The following GBP4 variants were observed in gnomAD, a reference collection of about 807,000 sequenced individuals.
GBP4 encodes guanylate-binding protein 4.
Under a neutral mutation model 62.2 loss-of-function variants are expected in GBP4, and 69 were observed. That is an observed-to-expected ratio of 1.11 (90% CI 0.91 to 1.36). The LOEUF (loss-of-function observed/expected upper bound fraction) is 1.36, where lower values mean the gene tolerates loss of function less well. GBP4 is among the 40% of genes most tolerant of loss of function. The pLI is 0.00. For missense variants in GBP4, 697 were observed against 759.3 expected (o/e 0.92, Z 0.96); for synonymous variants, 278 against 274.6 (o/e 1.01, Z -0.12).
At chr1:89,195,545 T>G (rs650448) in intron 2 of GBP4, 121 bp from the exon 3 acceptor site, 797,657 of 1,176,486 alleles carry the variant, frequency 0.68, 273,246 homozygotes, top group East Asian at 0.8. Context: ...GTTGTTTCCA[T>G]CTCAGGCAGG....
rs549165018 is a variant in GBP4 at position 89,186,219 on chromosome 1, A to G, written c.1707+114T>C. The G allele has an allele frequency of 1.4e-4, 113 of 788,674 alleles. 2 individuals are homozygous for G. Among genetic ancestry groups the G allele is most frequent in the Admixed American group, 1.4e-3 (60 of 42,610 alleles). 48.9% of individuals were successfully genotyped at this position (788,674 alleles called of 1,614,324 possible). A position where few individuals can be genotyped will look rare whatever the true frequency, so the allele number is the denominator to read the frequency against. ...TGTATTTGAGATTTTAGTGAAACATACAACTTTTGTGTTTCCTTCTGGAAT... is the reference window on the plus strand; with the variant it reads ...TGTATTTGAGATTTTAGTGAAACATGCAACTTTTGTGTTTCCTTCTGGAAT... On this transcript the variant is annotated intron_variant, in intron 10 of 10. Coordinates refer to ENST00000355754, the MANE Select transcript of GBP4 (RefSeq NM_052941.5).
chr1:89,192,346 G>A (rs1411772731), intron 5 of GBP4, among the ~76,000 whole-genome samples: 1 of 151,822 alleles, frequency 6.6e-6, no homozygotes, highest in East Asian at 1.9e-4. Context: ...GTAAAATGAA[G>A]GATTTGACAG....
chr1:89,193,444 G>A (rs535621633), intron 3 of GBP4, 32 bp from the exon 4 acceptor site: 3 of 1,524,912 alleles, frequency 2.0e-6, no homozygotes, highest in East Asian at 2.3e-5. Flanking sequence ...AGACTTAGGA[G>A]TATTCTCTTC....
At position 89,183,073 on chromosome 1, in the gene GBP4, C is replaced by T. The variant is rs941211393; in HGVS notation, c.*2181G>A. 2.6e-5 allele frequency: 4 copies of T among 152,032 alleles called. No individual in the cohort carries two copies. Among genetic ancestry groups the T allele is most frequent in the Admixed American group, 2.0e-4 (3 of 15,266 alleles). 9.4% of individuals were successfully genotyped at this position (152,032 alleles called of 1,614,324 possible). A position where few individuals can be genotyped will look rare whatever the true frequency, so the allele number is the denominator to read the frequency against. ...AAACTACTTTAAAATTCATATGGAA[C>T]CAAAAAAGAGCCTAGCCAAGGCAAT... On this transcript the variant is annotated 3_prime_UTR_variant, in exon 11 of 11. Coordinates refer to ENST00000355754, the MANE Select transcript of GBP4 (RefSeq NM_052941.5).
At chr1:89,187,200 T>G (rs1019256191) in intron 8 of GBP4, 98 bp from the exon 9 acceptor site, 5 of 935,058 alleles carry the variant, frequency 5.3e-6, no homozygotes, top group African/African-American at 3.3e-5. Context: ...TCTAACCCTG[T>G]AAACTTTGCA....
chr1:89,185,201 TTAAAA>T lies in GBP4; in HGVS notation c.*48_*52del, dbSNP rs1181429597. On this transcript the variant is annotated 3_prime_UTR_variant, in exon 11 of 11. Transcript: ENST00000355754. ...CAAAATGAGCAACAGTGTTATGTTA[TTAAAA>T]TAAAATAAACCTCATTTTATATTTT... is the stretch of plus-strand genomic sequence containing the variant. 3 of 1,094,988 alleles carry T rather than the reference TTAAAA, an allele frequency of 2.7e-6. No homozygotes were observed. Among genetic ancestry groups the T allele is most frequent in the Non-Finnish European group, 4.2e-6 (3 of 719,732 alleles). 67.8% of individuals were successfully genotyped at this position (1,094,988 alleles called of 1,614,324 possible).
rs1455320178 is a variant in GBP4 at position 89,183,347 on chromosome 1, T to G, written c.*1907A>C. 1 of 152,160 alleles carries G rather than the reference T, an allele frequency of 6.6e-6. No individual in the cohort carries two copies. The highest frequency in any genetic ancestry group is 2.4e-5 in the African/African-American group (1 of 41,430). The allele number at this position is 152,160 out of a possible 1,614,324, so 9.4% of individuals were successfully genotyped here. ...TGGTGCTGGGATTACTGGCTAGCCA[T>G]ATGCAGAAGATTGAAACTGGGCCCC... On this transcript the variant is annotated 3_prime_UTR_variant, in exon 11 of 11. Transcript: ENST00000355754.
At chr1:89,188,005 G>T (rs1348109420) in intron 8 of GBP4, among the ~76,000 whole-genome samples, 1 of 152,188 alleles carries the variant, frequency 6.6e-6, no homozygotes, top group Non-Finnish European at 1.5e-5. Flanking sequence ...TCCACCACTT[G>T]CTGGCTGTGT....
In GBP4 at chr1:89,191,506, C is replaced by T. The variant is rs147051288; in HGVS notation, c.671G>A (p.Gly224Asp). 2 of 1,610,484 alleles carry T rather than the reference C, an allele frequency of 1.2e-6. No homozygotes were observed. Among genetic ancestry groups the T allele is most frequent in the Non-Finnish European group, 1.7e-6 (2 of 1,177,380 alleles). The change falls in exon 6 of 11, where the codon GGC becomes GAC. Residue 224 changes from glycine (G) to aspartate (D), a missense_variant and splice_region_variant. By Grantham distance (94) the Gly-to-Asp change is moderately conservative. This residue lies in a region of GBP4 where 556 missense variants were observed against 562.7 expected (regional missense o/e 0.99). Transcript: ENST00000355754. ...YLENALKLIP[G>D]KNPKIQNSNM... ...TGAATTTTGAATTTTGGGATTCTTG[C>T]CTGTGGAATTGTAAAAAAGAGGGCT... is the stretch of plus-strand genomic sequence containing the variant.
intron 6 of GBP4, among the ~76,000 whole-genome samples, chr1:89,190,859 A>G (rs1382873626): frequency 6.6e-6 from 1 of 152,088 alleles, no homozygotes; most frequent in East Asian, 1.9e-4. Flanking sequence ...CCCGTACTTA[A>G]TATGACATTT....
chr1:89,187,189 A>T (rs1648059088), intron 8 of GBP4, 87 bp from the exon 9 acceptor site: 1 of 1,051,208 alleles, frequency 9.5e-7, no homozygotes, highest in African/African-American at 1.6e-5. Context: ...AAAGTCACAA[A>T]TCTAACCCTG....
In GBP4 at chr1:89,181,771, A is replaced by G. The variant is rs555400952; in HGVS notation, c.*3483T>C. The stretch of plus-strand genomic sequence containing the variant: ...GACAGAGTTGAAACAAGAACCTTAT[A>G]GTTTTCCTTTGAACAACTTTTATTG... On this transcript the variant is annotated 3_prime_UTR_variant, in exon 11 of 11. Coordinates refer to ENST00000355754, the MANE Select transcript of GBP4 (RefSeq NM_052941.5). The G allele has an allele frequency of 6.6e-6, 1 of 152,284 alleles. No individual in the cohort carries two copies. The highest frequency in any genetic ancestry group is 1.9e-4 in the East Asian group (1 of 5,176). 9.4% of individuals were successfully genotyped at this position (152,284 alleles called of 1,614,324 possible).
At position 89,192,890 on chromosome 1, in the gene GBP4, C is replaced by T. The variant is rs1648226853; in HGVS notation, c.670+14G>A. 6.2e-7 allele frequency: 1 copy of T among 1,611,330 alleles called. No individual in the cohort carries two copies. Among genetic ancestry groups the T allele is most frequent in the Admixed American group, 1.7e-5 (1 of 59,930 alleles). On this transcript the variant is annotated intron_variant, in intron 5 of 10. Transcript: ENST00000355754. ...CCCACTGAACCTTCCCACATCCAGG[C>T]CATGCTCTGATACCTGGAATCAGCT...
intron 3 of GBP4, among the ~76,000 whole-genome samples, chr1:89,194,140 C>G (rs913533381): frequency 1.3e-5 from 2 of 152,084 alleles, no homozygotes; most frequent in Admixed American, 1.3e-4. Context: ...CAATAGAAGC[C>G]AAGTCAGAAT....
intron 10 of GBP4, among the ~76,000 whole-genome samples, chr1:89,185,917 A>C (rs1259994141): frequency 6.6e-6 from 1 of 152,244 alleles, no homozygotes; most frequent in Non-Finnish European, 1.5e-5. Flanking sequence ...TACAGAAACA[A>C]ATGGAGCAAT....
chr1:89,183,119 G>C lies in GBP4; in HGVS notation c.*2135C>G, dbSNP rs1012826512. The C allele has an allele frequency of 6.6e-6, 1 of 152,104 alleles. No individual in the cohort carries two copies. Among genetic ancestry groups the C allele is most frequent in the Non-Finnish European group, 1.5e-5 (1 of 68,018 alleles). The allele number at this position is 152,104 out of a possible 1,614,324, so 9.4% of individuals were successfully genotyped here. A position where few individuals can be genotyped will look rare whatever the true frequency, so the allele number is the denominator to read the frequency against. The stretch of plus-strand genomic sequence containing the variant: ...GCAATCCTAAACATAAAGAACAAAA[G>C]GGGAGGCATCAAGTTACCAAACCTC... On this transcript the variant is annotated 3_prime_UTR_variant, in exon 11 of 11. Coordinates refer to ENST00000355754, the MANE Select transcript of GBP4 (RefSeq NM_052941.5).
chr1:89,197,408 T>A, intron 1 of GBP4, 104 bp from the exon 2 acceptor site: 1 of 821,806 alleles, frequency 1.2e-6, no homozygotes, highest in Non-Finnish European at 1.8e-6. Flanking sequence ...TGGAATGGTA[T>A]ATAAAATTTC....
At position 89,186,485 on chromosome 1, in the gene GBP4, G is replaced by C. The variant is rs151234239; in HGVS notation, c.1555C>G (p.Leu519Val). 2 of 1,614,112 alleles carry C rather than the reference G, an allele frequency of 1.2e-6. No individual in the cohort carries two copies. Among genetic ancestry groups the C allele is most frequent in the East Asian group, 2.2e-5 (1 of 44,878 alleles). Residue 519 changes from leucine (L) to valine (V), a missense_variant, in exon 10 of 11, where the codon CTG (leucine) becomes GTG (valine). Transcript: ENST00000355754. ...MKEAAEKEQE[L>V]LREKQKEQQQ... ...TGCTCCTTCTGTTTTTCTCTTAGCA[G>C]CTCCTGTTCCTTCTCAGCTGCTTCC...
chr1:89,197,404 G>T, intron 1 of GBP4, 100 bp from the exon 2 acceptor site: 4 of 845,594 alleles, frequency 4.7e-6, no homozygotes, highest in South Asian at 2.4e-5. Flanking sequence ...CTTGTGGAAT[G>T]GTATATAAAA....
Sources: allele counts gnomAD v4.1 joint callset (sites outside exome capture counted in the v4.1 genomes callset), GRCh38; gene constraint gnomAD v4.1.1; regional missense constraint gnomAD v4.1.1; transcripts MANE v1.5; gene names NCBI Gene and HGNC (gene_info 2026-07-23, HGNC 2026-07-21).